Variants in RNF185 observed in about 807,000 individuals in gnomAD.
RNF185 encodes the protein E3 ubiquitin-protein ligase RNF185.
A neutral mutation model predicts 24.9 loss-of-function variants in RNF185; 13 were observed. That is an observed-to-expected ratio of 0.52 (90% CI 0.34 to 0.83). The LOEUF (loss-of-function observed/expected upper bound fraction) is 0.83, where lower values mean the gene tolerates loss of function less well. RNF185 is among the 40% of genes least tolerant of loss of function. RNF185 has a pLI of 0.01. For synonymous variants in RNF185, 79 were observed against 90.3 expected, an observed-to-expected ratio of 0.88 and a Z score of 0.71; for missense variants, 184 against 244.7, an observed-to-expected ratio of 0.75 and a Z score of 1.65.
intron 1 of RNF185, among the ~76,000 whole-genome samples, chr22:31,176,655 AT>A (rs1173853807): frequency 2.6e-5 from 4 of 151,188 alleles, no homozygotes; most frequent in Non-Finnish European, 5.9e-5. Context: ...TGCCCGGCTA[AT>A]TTTTTGTATT....
At chr22:31,175,728 C>T (rs1169415709) in intron 1 of RNF185, among the ~76,000 whole-genome samples, 1 of 151,912 alleles carries the variant, frequency 6.6e-6, no homozygotes, top group Non-Finnish European at 1.5e-5. Context: ...CAGCCTATAT[C>T]CTTTTGTTGT....
At chr22:31,186,461 G>T (rs548797824) in intron 1 of RNF185, among the ~76,000 whole-genome samples, 11 of 151,918 alleles carry the variant, frequency 7.2e-5, no homozygotes, top group African/African-American at 2.7e-4. Flanking sequence ...AATTAGCCAG[G>T]TGTGGTGGCA....
chr22:31,168,931 A>G (rs1924108185), intron 1 of RNF185, among the ~76,000 whole-genome samples: 1 of 151,918 alleles, frequency 6.6e-6, no homozygotes, highest in African/African-American at 2.4e-5. Flanking sequence ...TTTTTGAGAC[A>G]GAGTCTCTCT....
At chr22:31,165,293 A>T (rs548338637) in intron 1 of RNF185, among the ~76,000 whole-genome samples, 3 of 152,150 alleles carry the variant, frequency 2.0e-5, no homozygotes, top group Admixed American at 1.3e-4. Context: ...AAAAAATTAT[A>T]TCTCTCCTAG....
At chr22:31,172,068 CTT>C in intron 1 of RNF185, among the ~76,000 whole-genome samples, 1 of 152,292 alleles carries the variant, frequency 6.6e-6, no homozygotes, top group East Asian at 1.9e-4. Flanking sequence ...TCTTGTCAAA[CTT>C]ATTGTTTTTA....
At position 31,174,486 on chromosome 22, in the gene RNF185, C is replaced by T. The variant is rs1194257872; in HGVS notation, c.-48-12561C>T. The stretch of plus-strand genomic sequence containing the variant: ...CCTTGAGCTCCTGGGCTCAAGTGAG[C>T]ATCCTGCCTCAGCCTCCCAAGGAGC... On this transcript the variant is annotated intron_variant, in intron 1 of 6. Coordinates refer to ENST00000326132, the MANE Select transcript of RNF185 (RefSeq NM_152267.4). 2.6e-5 allele frequency among the ~76,000 whole-genome samples: 4 copies of T among 152,250 alleles called. No homozygotes were observed. In the East Asian group the frequency reaches 7.8e-4, roughly 30 times the overall value.
intron 1 of RNF185, among the ~76,000 whole-genome samples, chr22:31,172,790 C>T (rs895248216): frequency 1.4e-5 from 2 of 141,570 alleles, no homozygotes; most frequent in African/African-American, 2.6e-5. Flanking sequence ...ATTTTTTAAA[C>T]TTTTCTCATG....
At chr22:31,170,125 C>T (rs944870848) in intron 1 of RNF185, among the ~76,000 whole-genome samples, 4 of 152,122 alleles carry the variant, frequency 2.6e-5, no homozygotes, top group Non-Finnish European at 5.9e-5. Flanking sequence ...CTCTGATACT[C>T]GCTCTCTTAA....
rs187165190 is a variant in RNF185 at position 31,176,144 on chromosome 22, T to A, written c.-48-10903T>A. Among the ~76,000 whole-genome samples the A allele has an allele frequency of 1.1e-4, 16 of 152,304 alleles. No homozygotes were observed. In the East Asian group the frequency reaches 3.1e-3, roughly 29 times the overall value. On this transcript the variant is annotated intron_variant, in intron 1 of 6. Coordinates refer to ENST00000326132, the MANE Select transcript of RNF185 (RefSeq NM_152267.4). ...TAAGTATTTTTTAAAGCTTAAGAAA[T>A]TTGTCCATAAGTCCACTGTCCGGAG...
At chr22:31,166,581 TCCCCTTCCC>T (rs750551872) in intron 1 of RNF185, among the ~76,000 whole-genome samples, 6 of 94,942 alleles carry the variant, frequency 6.3e-5, no homozygotes, top group African/African-American at 9.1e-5. Flanking sequence ...TTCTTCTTCT[TCCCCTTCCC>T]CTTCCCCTTC....
intron 1 of RNF185, among the ~76,000 whole-genome samples, chr22:31,167,819 C>T (rs1028355312): frequency 3.9e-5 from 6 of 151,914 alleles, no homozygotes; most frequent in African/African-American, 1.4e-4. Context: ...TTGCCATTTG[C>T]CCAGGCTGGT....
chr22:31,193,897 AT>A (rs113727137), intron 3 of RNF185, among the ~76,000 whole-genome samples: 6,486 of 143,422 alleles, frequency 0.045, 463 homozygotes, highest in East Asian at 0.37. Flanking sequence ...AAGAAAATTA[AT>A]TTTTTTTTTT....
At chr22:31,175,175 G>T (rs948875781) in intron 1 of RNF185, among the ~76,000 whole-genome samples, 4 of 152,038 alleles carry the variant, frequency 2.6e-5, no homozygotes, top group Non-Finnish European at 5.9e-5. Flanking sequence ...GGGCTTGGTG[G>T]CTGATTGCCT....
At chr22:31,190,755 C>T (rs1321562235) in intron 2 of RNF185, among the ~76,000 whole-genome samples, 1 of 151,882 alleles carries the variant, frequency 6.6e-6, no homozygotes, top group Admixed American at 6.6e-5. Context: ...AGGCATGTGC[C>T]ACCACACATG....
At chr22:31,202,704 C>T (rs1010397868) in intron 6 of RNF185, among the ~76,000 whole-genome samples, 4 of 151,016 alleles carry the variant, frequency 2.6e-5, no homozygotes, top group African/African-American at 9.7e-5. Context: ...GTTCCACCTC[C>T]CAGGTTTACG....
chr22:31,193,797 A>G (rs1048484349), intron 3 of RNF185, among the ~76,000 whole-genome samples: 4 of 58,926 alleles, frequency 6.8e-5, no homozygotes, highest in Non-Finnish European at 1.1e-4. Flanking sequence ...CTGTTTCGAG[A>G]AAAAAAACCA....
intron 1 of RNF185, among the ~76,000 whole-genome samples, chr22:31,176,398 C>T (rs1279021698): frequency 2.0e-5 from 3 of 151,866 alleles, no homozygotes; most frequent in Non-Finnish European, 4.4e-5. Flanking sequence ...CCTCAGCCTC[C>T]CAAAGTGCTA....
chr22:31,170,627 C>T (rs2047919929), intron 1 of RNF185, among the ~76,000 whole-genome samples: 1 of 152,098 alleles, frequency 6.6e-6, no homozygotes, highest in Admixed American at 6.6e-5. Flanking sequence ...TCCCATGTCT[C>T]AGCCTTCCAA....
intron 2 of RNF185, among the ~76,000 whole-genome samples, chr22:31,191,001 G>A (rs1014865157): frequency 1.3e-5 from 2 of 152,198 alleles, no homozygotes; most frequent in African/African-American, 4.8e-5. Flanking sequence ...AGGAGCAATA[G>A]GCTATACTAT....
Sources: allele counts gnomAD v4.1 joint callset (sites outside exome capture counted in the v4.1 genomes callset), GRCh38; gene constraint gnomAD v4.1.1; transcripts MANE v1.5; gene names NCBI Gene and HGNC (gene_info 2026-07-23, HGNC 2026-07-21).